Variants in HTRA3 observed in about 807,000 individuals in gnomAD.
HTRA3 encodes serine protease HTRA3.
Under a neutral mutation model 43.2 loss-of-function variants are expected in HTRA3, and 41 were observed. The ratio of observed to expected loss-of-function variants is 0.95; its 90% CI spans 0.74 to 1.23. The LOEUF is 1.23. Among genes scored for constraint, HTRA3 ranks in the 50% most tolerant of loss-of-function variants. The pLI is 0.00. For synonymous variants in HTRA3, 295 were observed against 287.9 expected, an observed-to-expected ratio of 1.02 and a Z score of -0.25; for missense variants, 628 against 647.1, an observed-to-expected ratio of 0.97 and a Z score of 0.32.
chr4:8,283,559 C>T (rs1436457899), intron 2 of HTRA3, among the ~76,000 whole-genome samples: 1 of 152,262 alleles, frequency 6.6e-6, no homozygotes, highest in Non-Finnish European at 1.5e-5. Flanking sequence ...AATGACTCTT[C>T]TGAAGTTTAG....
Position 8,307,090 on chromosome 4 carries a change from A to T in HTRA3, c.*954A>T, listed in dbSNP as rs979145384. ...CTCTACTGTATGGAAAATAAAGTTTACAAGCACACGGTTCTCAGCCAGCAG... is the reference window on the plus strand; with the variant it reads ...CTCTACTGTATGGAAAATAAAGTTTTCAAGCACACGGTTCTCAGCCAGCAG... On this transcript the variant is annotated 3_prime_UTR_variant, in exon 9 of 9. Transcript: ENST00000307358. The surrounding 1 kb of genome is among the most constrained non-coding windows in gnomAD (Gnocchi z 6.1). 6.5e-6 allele frequency: 1 copy of T among 152,712 alleles called. No homozygotes were observed. Among genetic ancestry groups the T allele is most frequent in the African/African-American group, 2.4e-5 (1 of 41,404 alleles). The allele number at this position is 152,712 out of a possible 1,614,324, so 9.5% of individuals were successfully genotyped here.
intron 2 of HTRA3, among the ~76,000 whole-genome samples, chr4:8,283,756 G>A (rs1452542577): frequency 6.6e-6 from 1 of 152,238 alleles, no homozygotes; most frequent in African/African-American, 2.4e-5. Context: ...GGGCTCCAGG[G>A]ACTTGCTTGT....
intron 4 of HTRA3, 107 bp from the exon 5 acceptor site, chr4:8,292,214 G>T: frequency 1.1e-6 from 1 of 921,506 alleles, no homozygotes; most frequent in South Asian, 1.6e-5. Context: ...CTGAGGATGA[G>T]ACCTGCTTAT....
chr4:8,290,800 T>A (rs947239624), intron 3 of HTRA3, among the ~76,000 whole-genome samples: 5 of 152,154 alleles, frequency 3.3e-5, no homozygotes, highest in African/African-American at 1.2e-4. Flanking sequence ...AAGAGGGGTG[T>A]GCAGGTGTCT....
chr4:8,283,077 G>T (rs370502873), intron 2 of HTRA3, among the ~76,000 whole-genome samples: 1 of 152,326 alleles, frequency 6.6e-6, no homozygotes, highest in East Asian at 1.9e-4. Context: ...TGGCCGGAGC[G>T]GGGAGGAATG....
rs1186386082 is a variant in HTRA3 at position 8,286,887 on chromosome 4, C to T, written c.708+104C>T. 4 of 826,568 alleles carry T rather than the reference C, an allele frequency of 4.8e-6. No homozygotes were observed. The highest frequency in any genetic ancestry group is 7.7e-6 in the Non-Finnish European group (4 of 517,716). 51.2% of individuals were successfully genotyped at this position (826,568 alleles called of 1,614,324 possible). A position where few individuals can be genotyped will look rare whatever the true frequency, so the allele number is the denominator to read the frequency against. ...GCAAGCTAGCCCCACCTTCCATCAG[C>T]CAGGGGGAGGAAACTGGGCCCAGGG... is the stretch of plus-strand genomic sequence containing the variant. On this transcript the variant is annotated intron_variant, in intron 3 of 8. Coordinates refer to ENST00000307358, the MANE Select transcript of HTRA3 (RefSeq NM_053044.5). This position sits in a 1 kb window ranked among gnomAD's most constrained non-coding sequence, Gnocchi z 4.9.
intron 1 of HTRA3, among the ~76,000 whole-genome samples, chr4:8,275,929 G>A (rs1053603870): frequency 6.6e-6 from 1 of 152,222 alleles, no homozygotes; most frequent in South Asian, 2.1e-4. Context: ...CTAGCAGCTC[G>A]AAGTGTCTGC....
intron 6 of HTRA3, among the ~76,000 whole-genome samples, chr4:8,298,296 C>T (rs1713528756): frequency 6.6e-6 from 1 of 152,220 alleles, no homozygotes; most frequent in Non-Finnish European, 1.5e-5. Flanking sequence ...GTTTATTCAT[C>T]AGCTGTTCAT....
At chr4:8,274,641 C>T (rs971020945) in intron 1 of HTRA3, among the ~76,000 whole-genome samples, 8 of 152,322 alleles carry the variant, frequency 5.3e-5, no homozygotes, top group African/African-American at 1.7e-4. Flanking sequence ...GTTAAGGCAT[C>T]GCAGTTGCAC....
chr4:8,305,894 G>T, intron 8 of HTRA3, 77 bp from the exon 9 acceptor site: 2 of 1,523,234 alleles, frequency 1.3e-6, no homozygotes, highest in African/African-American at 1.4e-5. Context: ...CCCTGACTGT[G>T]CCTCGCTCTG....
intron 1 of HTRA3, among the ~76,000 whole-genome samples, chr4:8,272,624 G>A (rs1323400921): frequency 6.6e-6 from 1 of 152,216 alleles, no homozygotes; most frequent in African/African-American, 2.4e-5. Flanking sequence ...TGTGGCGACC[G>A]ACCCAAATCT....
At chr4:8,302,423 AC>A (rs1560143907) in intron 6 of HTRA3, 39 bp from the exon 7 acceptor site, 2 of 1,608,038 alleles carry the variant, frequency 1.2e-6, no homozygotes, top group Non-Finnish European at 1.7e-6. Context: ...GTGGCTTTTC[AC>A]AGCAGCCCTA....
intron 1 of HTRA3, among the ~76,000 whole-genome samples, chr4:8,272,392 G>C (rs1028948218): frequency 1.5e-5 from 1 of 65,464 alleles, no homozygotes; most frequent in Non-Finnish European, 3.3e-5. Flanking sequence ...GCCAGGAGGT[G>C]GCCGTGAGCG....
intron 3 of HTRA3, among the ~76,000 whole-genome samples, chr4:8,288,912 T>TCCTTCCTTCCTC (rs1713109567): frequency 6.9e-6 from 1 of 143,890 alleles, no homozygotes; most frequent in African/African-American, 2.6e-5. Context: ...CTTCCTTCCT[T>TCCTTCCTTCCTC]CCTTCCTTCC....
chr4:8,276,825 G>A (rs766041611), intron 1 of HTRA3, among the ~76,000 whole-genome samples: 12 of 152,254 alleles, frequency 7.9e-5, no homozygotes, highest in Admixed American at 1.3e-4. Context: ...AGCAGGGGAA[G>A]CGCCCAGGTC....
At position 8,295,681 on chromosome 4, in the gene HTRA3, C is replaced by A; in HGVS notation, c.1051+1480C>A. On this transcript the variant is annotated intron_variant, in intron 6 of 8. Coordinates refer to ENST00000307358, the MANE Select transcript of HTRA3 (RefSeq NM_053044.5). This position sits in a 1 kb window ranked among gnomAD's most constrained non-coding sequence, Gnocchi z 6.9. Reference sequence around the variant, plus strand: ...CAACTCACACTTCCACATTGCTTTGCTGTCTCCTCCCAGCCCCCTCACTGG... The same window carrying A: ...CAACTCACACTTCCACATTGCTTTGATGTCTCCTCCCAGCCCCCTCACTGG... 1 of 1,419,746 alleles carries A rather than the reference C, an allele frequency of 7.0e-7. No homozygotes were observed. The highest frequency in any genetic ancestry group is 1.5e-5 in the South Asian group (1 of 64,682). 87.9% of individuals were successfully genotyped at this position (1,419,746 alleles called of 1,614,324 possible).
chr4:8,292,433 A>C, intron 5 of HTRA3, 80 bp downstream of exon 5: 1 of 1,168,500 alleles, frequency 8.6e-7, no homozygotes, highest in Non-Finnish European at 1.3e-6. Context: ...GAGGTGGGAC[A>C]GGGCCCACAA....
rs922500169 is a variant in HTRA3 at position 8,286,342 on chromosome 4, GATC to G, written c.486-211_486-209del. The stretch of plus-strand genomic sequence containing the variant: ...ATCTCAGCAAATTGCAGCGAGAGGT[GATC>G]ATCATCACCTCTTTATGGCTGTGAA... On this transcript the variant is annotated intron_variant, in intron 2 of 8. Transcript: ENST00000307358. This position sits in a 1 kb window ranked among gnomAD's most constrained non-coding sequence, Gnocchi z 4.9. 1.3e-5 allele frequency among the ~76,000 whole-genome samples: 2 copies of G among 152,150 alleles called. No homozygotes were observed. Among genetic ancestry groups the G allele is most frequent in the Admixed American group, 1.3e-4 (2 of 15,276 alleles).
intron 1 of HTRA3, among the ~76,000 whole-genome samples, chr4:8,276,257 A>T (rs1162017686): frequency 6.6e-6 from 1 of 152,202 alleles, no homozygotes; most frequent in Non-Finnish European, 1.5e-5. Context: ...AGCTCTTTGC[A>T]CCTCAGTTTC....
Sources: allele counts gnomAD v4.1 joint callset (sites outside exome capture counted in the v4.1 genomes callset), GRCh38; gene constraint gnomAD v4.1.1; non-coding constraint Gnocchi (gnomAD v3.1); transcripts MANE v1.5; gene names NCBI Gene and HGNC (gene_info 2026-07-23, HGNC 2026-07-21).